Variants in ADGRB3 observed in about 807,000 individuals in gnomAD.
The protein encoded by ADGRB3 is brain-specific angiogenesis inhibitor 3.
ADGRB3 carries 37 observed loss-of-function variants against 193.4 expected under a neutral mutation model. The ratio of observed to expected loss-of-function variants is 0.19; its 90% confidence interval spans 0.15 to 0.25. ADGRB3 has a LOEUF of 0.25. ADGRB3 is among the 10% of genes least tolerant of loss of function. ADGRB3 has a pLI of 1.00. For missense variants in ADGRB3, 1,637 were observed against 1,852.9 expected, an observed-to-expected ratio of 0.88 and a Z score of 2.14; for synonymous variants, 690 against 644.2, an observed-to-expected ratio of 1.07 and a Z score of -1.08.
intron 17 of ADGRB3, among the ~76,000 whole-genome samples, chr6:69,169,708 G>A (rs1182917310): frequency 6.6e-6 from 1 of 151,898 alleles, no homozygotes; most frequent in African/African-American, 2.4e-5. Flanking sequence ...GATCTTCTGA[G>A]GAATAACTAA....
chr6:68,925,188 T>C (rs1767146814), intron 3 of ADGRB3, among the ~76,000 whole-genome samples: 1 of 151,970 alleles, frequency 6.6e-6, no homozygotes, highest in Non-Finnish European at 1.5e-5. Flanking sequence ...ATACAATTTT[T>C]AAATCTGATA....
intron 3 of ADGRB3, among the ~76,000 whole-genome samples, chr6:68,913,743 C>G (rs62416442): frequency 0.095 from 14,512 of 152,088 alleles, 911 homozygotes; most frequent in Non-Finnish European, 0.14. Context: ...TCAAACTACT[C>G]CGAACTACAG....
At position 69,278,469 on chromosome 6, in the gene ADGRB3, T is replaced by G. The variant is rs150407482; in HGVS notation, c.2814+39243T>G. ...ATATTAGTATTCCTCTGTTATCTTG[T>G]ACATTATTCCCCCCCATTGTTTATG... is the stretch of plus-strand genomic sequence containing the variant. On this transcript the variant is annotated intron_variant, in intron 20 of 31. Coordinates refer to ENST00000370598, the MANE Select transcript of ADGRB3 (RefSeq NM_001704.3). 1.2e-4 allele frequency among the ~76,000 whole-genome samples: 19 copies of G among 152,316 alleles called. No homozygotes were observed. The East Asian group carries it at 3.7e-3, about 29-fold the overall frequency.
intron 20 of ADGRB3, among the ~76,000 whole-genome samples, chr6:69,280,243 CG>C (rs1303808562): frequency 1.3e-5 from 2 of 152,170 alleles, no homozygotes; most frequent in African/African-American, 2.4e-5. Flanking sequence ...ACAAGGCACT[CG>C]GGACTTGTGG....
chr6:68,784,479 AT>A (rs1199741996), intron 3 of ADGRB3, among the ~76,000 whole-genome samples: 1 of 152,130 alleles, frequency 6.6e-6, no homozygotes, highest in Non-Finnish European at 1.5e-5. Flanking sequence ...TCTATATGCT[AT>A]TATATTTTCC....
At chr6:68,869,925 C>G (rs979511340) in intron 3 of ADGRB3, among the ~76,000 whole-genome samples, 8 of 152,114 alleles carry the variant, frequency 5.3e-5, no homozygotes, top group African/African-American at 1.9e-4. Context: ...ATTATAGGCA[C>G]AGGCCACCAT....
chr6:68,767,563 G>T (rs1174098683), intron 3 of ADGRB3, among the ~76,000 whole-genome samples: 3 of 152,110 alleles, frequency 2.0e-5, no homozygotes, highest in Admixed American at 6.6e-5. Flanking sequence ...AGCTATTTAT[G>T]ACACACCCGT....
chr6:68,940,027 C>A (rs1299146371), intron 5 of ADGRB3, among the ~76,000 whole-genome samples: 1 of 152,108 alleles, frequency 6.6e-6, no homozygotes, highest in Non-Finnish European at 1.5e-5. Flanking sequence ...ACCATTCACC[C>A]ATATTCAAAT....
At chr6:68,768,061 A>C (rs1043561479) in intron 3 of ADGRB3, among the ~76,000 whole-genome samples, 3 of 152,158 alleles carry the variant, frequency 2.0e-5, no homozygotes, top group Non-Finnish European at 2.9e-5. Flanking sequence ...AATGGAAAAA[A>C]CATTCTATTC....
intron 3 of ADGRB3, among the ~76,000 whole-genome samples, chr6:68,895,714 A>G (rs1264934471): frequency 6.6e-6 from 1 of 152,042 alleles, no homozygotes; most frequent in African/African-American, 2.4e-5. Context: ...TTTTTAAAGT[A>G]CAGAATGTTA....
chr6:69,030,974 T>TTC (rs1770634281), intron 13 of ADGRB3, among the ~76,000 whole-genome samples: 2 of 130,526 alleles, frequency 1.5e-5, no homozygotes, highest in African/African-American at 3.1e-5. Flanking sequence ...TTCTTTTCTT[T>TTC]TCTTTTCTTT....
In ADGRB3 at chr6:69,234,875, A is replaced by G. The variant is rs144960572; in HGVS notation, c.2608-157A>G. Among the ~76,000 whole-genome samples the G allele has an allele frequency of 1.8e-4, 27 of 152,252 alleles. No homozygotes were observed. The East Asian group carries it at 5.2e-3, about 29-fold the overall frequency. On this transcript the variant is annotated intron_variant, in intron 18 of 31. Coordinates refer to ENST00000370598, the MANE Select transcript of ADGRB3 (RefSeq NM_001704.3). Reference sequence around the variant, plus strand: ...CTGCAATTAGTATTTTTAGAGGTTGAGAATGCAAGAACAGAGTGGATTCAT... The same window carrying G: ...CTGCAATTAGTATTTTTAGAGGTTGGGAATGCAAGAACAGAGTGGATTCAT...
intron 20 of ADGRB3, among the ~76,000 whole-genome samples, chr6:69,264,828 A>G (rs1264409288): frequency 2.6e-5 from 4 of 151,962 alleles, no homozygotes; most frequent in Admixed American, 2.6e-4. Context: ...CAGCTATTCT[A>G]CAATACTCTC....
chr6:68,919,437 G>A (rs1766977433), intron 3 of ADGRB3, among the ~76,000 whole-genome samples: 1 of 152,018 alleles, frequency 6.6e-6, no homozygotes, highest in Non-Finnish European at 1.5e-5. Flanking sequence ...AGTGTAGGTG[G>A]CCTGCAAAAT....
chr6:69,361,580 A>T (rs1582657354), intron 29 of ADGRB3, 68 bp downstream of exon 29: 1 of 1,484,852 alleles, frequency 6.7e-7, no homozygotes, highest in East Asian at 2.3e-5. Flanking sequence ...AGAGATATTG[A>T]TTGATTGGTT....
At chr6:68,943,425 G>A (rs1433482454) in intron 5 of ADGRB3, among the ~76,000 whole-genome samples, 1 of 151,932 alleles carries the variant, frequency 6.6e-6, no homozygotes, top group Non-Finnish European at 1.5e-5. Context: ...ATTATGTTGG[G>A]CCTTGGCTAT....
chr6:68,890,398 A>T (rs1766039434), intron 3 of ADGRB3, among the ~76,000 whole-genome samples: 1 of 152,110 alleles, frequency 6.6e-6, no homozygotes, highest in African/African-American at 2.4e-5. Flanking sequence ...GTGACTGAAG[A>T]CCTCTGTCCC....
At chr6:68,920,876 G>A (rs553542378) in intron 3 of ADGRB3, among the ~76,000 whole-genome samples, 7 of 152,260 alleles carry the variant, frequency 4.6e-5, no homozygotes, top group Non-Finnish European at 7.4e-5. Context: ...ACAAATGGAT[G>A]TAAAGGAAGA....
At chr6:69,107,916 C>A (rs184937560) in intron 17 of ADGRB3, among the ~76,000 whole-genome samples, 71 of 152,018 alleles carry the variant, frequency 4.7e-4, no homozygotes, top group South Asian at 8.3e-4. Context: ...AGGGGGCAAG[C>A]GTTGAAAAAC....
Sources: allele counts gnomAD v4.1 joint callset (sites outside exome capture counted in the v4.1 genomes callset), GRCh38; gene constraint gnomAD v4.1.1; transcripts MANE v1.5; gene names NCBI Gene and HGNC (gene_info 2026-07-23, HGNC 2026-07-21).